NXPH1: variants seen among roughly 807,000 people sequenced by gnomAD.
NXPH1 encodes the protein neurexophilin 1.
In NXPH1, 5 loss-of-function variants were observed where a neutral mutation model predicts 23.7. The observed-to-expected ratio is 0.21, with a 90% CI of 0.11 to 0.44. The LOEUF (loss-of-function observed/expected upper bound fraction) is 0.44, where lower values mean the gene tolerates loss of function less well. Among genes scored for constraint, NXPH1 ranks in the 20% least tolerant of loss-of-function variants. The pLI, the probability that NXPH1 is intolerant of heterozygous loss-of-function variation, is 0.99. For missense variants in NXPH1, 324 were observed against 321.6 expected, an observed-to-expected ratio of 1.01 and a Z score of -0.06; for synonymous variants, 144 against 122.2, an observed-to-expected ratio of 1.18 and a Z score of -1.18.
At chr7:8,661,800 A>G (rs1490396280) in intron 2 of NXPH1, among the ~76,000 whole-genome samples, 1 of 152,112 alleles carries the variant, frequency 6.6e-6, no homozygotes, top group Admixed American at 6.6e-5. Flanking sequence ...AGTGCCCCTC[A>G]GTCTTCTGTT....
chr7:8,498,631 C>T lies in NXPH1; in HGVS notation c.54+62864C>T, dbSNP rs115392069. Among the ~76,000 whole-genome samples, 798 of 152,016 alleles carry T rather than the reference C, an allele frequency of 5.2e-3. 9 individuals carry two copies. The highest frequency in any genetic ancestry group is 0.019 in the African/African-American group (772 of 41,490). ...TGTTCTTATTGGAACATCTCTTTTT[C>T]AGTTCTATTGGGAAATTATAGCATG... is the stretch of plus-strand genomic sequence containing the variant. On this transcript the variant is annotated intron_variant, in intron 2 of 2. Coordinates refer to ENST00000405863, the MANE Select transcript of NXPH1 (RefSeq NM_152745.3).
At chr7:8,696,883 C>A (rs994117436) in intron 2 of NXPH1, among the ~76,000 whole-genome samples, 1 of 148,368 alleles carries the variant, frequency 6.7e-6, no homozygotes, top group Non-Finnish European at 1.5e-5. Flanking sequence ...GTAGCTCATG[C>A]CTATTATCCC....
At chr7:8,482,169 C>G (rs1173336090) in intron 2 of NXPH1, among the ~76,000 whole-genome samples, 2 of 152,178 alleles carry the variant, frequency 1.3e-5, no homozygotes, top group Non-Finnish European at 2.9e-5. Context: ...GCAGCCTCAG[C>G]TTGAACAGCT....
chr7:8,602,390 C>G (rs1380590987), intron 2 of NXPH1, among the ~76,000 whole-genome samples: 2 of 152,064 alleles, frequency 1.3e-5, no homozygotes, highest in Non-Finnish European at 2.9e-5. Flanking sequence ...TCCTCATGGT[C>G]TTTTGACTGT....
chr7:8,747,475 T>G (rs1780490504), intron 2 of NXPH1, among the ~76,000 whole-genome samples: 1 of 152,204 alleles, frequency 6.6e-6, no homozygotes, highest in African/African-American at 2.4e-5. Context: ...TTCTTTGGGA[T>G]AATTTCGTTA....
chr7:8,695,193 AT>A (rs1324554160), intron 2 of NXPH1, among the ~76,000 whole-genome samples: 4 of 152,216 alleles, frequency 2.6e-5, no homozygotes, highest in African/African-American at 9.7e-5. Context: ...CTGTAATAAT[AT>A]TAGCTCCAAT....
At chr7:8,438,033 C>A (rs1467472068) in intron 2 of NXPH1, among the ~76,000 whole-genome samples, 1 of 152,200 alleles carries the variant, frequency 6.6e-6, no homozygotes, top group Non-Finnish European at 1.5e-5. Context: ...GCAGTATTTC[C>A]AGGGATTGTA....
At chr7:8,447,877 G>A (rs1276838893) in intron 2 of NXPH1, among the ~76,000 whole-genome samples, 2 of 152,174 alleles carry the variant, frequency 1.3e-5, no homozygotes, top group African/African-American at 4.8e-5. Flanking sequence ...CCTCCAGGTG[G>A]CTGATATTTT....
chr7:8,667,967 G>A (rs1413518380), intron 2 of NXPH1, among the ~76,000 whole-genome samples: 1 of 140,810 alleles, frequency 7.1e-6, no homozygotes, highest in Non-Finnish European at 1.5e-5. Context: ...AAATTCTGCT[G>A]TTGATGTTCT....
At chr7:8,551,729 C>T (rs978558928) in intron 2 of NXPH1, among the ~76,000 whole-genome samples, 17 of 151,362 alleles carry the variant, frequency 1.1e-4, no homozygotes, top group African/African-American at 3.9e-4. Context: ...ACTGTAACTG[C>T]TCATTGTTTC....
At chr7:8,744,285 C>T (rs1014937718) in intron 2 of NXPH1, among the ~76,000 whole-genome samples, 2 of 152,036 alleles carry the variant, frequency 1.3e-5, no homozygotes, top group African/African-American at 4.8e-5. Flanking sequence ...GAGCCAGCTC[C>T]TTTGGTAATG....
intron 2 of NXPH1, among the ~76,000 whole-genome samples, chr7:8,518,546 G>C (rs1303428668): frequency 2.0e-5 from 3 of 152,196 alleles, no homozygotes; most frequent in Admixed American, 6.5e-5. Context: ...GGCTGGGTTG[G>C]AGTGATGCAA....
At chr7:8,471,875 T>C (rs1421831257) in intron 2 of NXPH1, among the ~76,000 whole-genome samples, 1 of 152,084 alleles carries the variant, frequency 6.6e-6, no homozygotes, top group African/African-American at 2.4e-5. Flanking sequence ...GTAGGTAGAG[T>C]ATAATCTCAT....
At chr7:8,447,472 T>C (rs1172837398) in intron 2 of NXPH1, among the ~76,000 whole-genome samples, 1 of 152,246 alleles carries the variant, frequency 6.6e-6, no homozygotes, top group Non-Finnish European at 1.5e-5. Context: ...TCACAAGAAA[T>C]ATATAATTGA....
intron 2 of NXPH1, among the ~76,000 whole-genome samples, chr7:8,489,716 A>T (rs1425381707): frequency 6.6e-6 from 1 of 152,110 alleles, no homozygotes; most frequent in African/African-American, 2.4e-5. Flanking sequence ...GACTCATGGC[A>T]TATTAGTATT....
chr7:8,568,368 C>A (rs1818584343), intron 2 of NXPH1, among the ~76,000 whole-genome samples: 1 of 151,842 alleles, frequency 6.6e-6, no homozygotes, highest in South Asian at 2.1e-4. Flanking sequence ...TTTTAAAAAT[C>A]TCATGCTTTC....
intron 2 of NXPH1, among the ~76,000 whole-genome samples, chr7:8,587,981 AC>A (rs1819013635): frequency 6.6e-6 from 1 of 152,164 alleles, no homozygotes; most frequent in African/African-American, 2.4e-5. Flanking sequence ...GATGTGGCCA[AC>A]AAATGTATGA....
chr7:8,543,737 T>C (rs1818153336), intron 2 of NXPH1, among the ~76,000 whole-genome samples: 1 of 151,674 alleles, frequency 6.6e-6, no homozygotes, highest in East Asian at 1.9e-4. Flanking sequence ...AAGCATATAA[T>C]GGATCCTTAA....
intron 2 of NXPH1, among the ~76,000 whole-genome samples, chr7:8,465,564 G>T (rs1816773700): frequency 6.6e-6 from 1 of 152,138 alleles, no homozygotes; most frequent in Non-Finnish European, 1.5e-5. Context: ...AGCTAGTGTA[G>T]CGCAAGATAC....
Sources: allele counts gnomAD v4.1 joint callset (sites outside exome capture counted in the v4.1 genomes callset), GRCh38; gene constraint gnomAD v4.1.1; transcripts MANE v1.5; gene names NCBI Gene and HGNC (gene_info 2026-07-23, HGNC 2026-07-21).